PDE4D: variants seen among roughly 807,000 people sequenced by gnomAD.
PDE4D encodes 3',5'-cyclic-AMP phosphodiesterase 4D.
A neutral mutation model predicts 87.4 loss-of-function variants in PDE4D; 24 were observed. That is an observed-to-expected ratio of 0.27 (90% CI 0.20 to 0.39). The LOEUF is 0.39. Ranked by LOEUF, PDE4D falls within the 10% of genes least tolerant of loss-of-function variation. The pLI is 1.00. For missense variants in PDE4D, 714 were observed against 1,041.0 expected (o/e 0.69, Z 4.32); for synonymous variants, 384 against 383.2 (o/e 1.00, Z -0.02).
chr5:59,671,102 C>T (rs909702399), intron 1 of PDE4D, among the ~76,000 whole-genome samples: 2 of 152,184 alleles, frequency 1.3e-5, no homozygotes, highest in Non-Finnish European at 2.9e-5. Flanking sequence ...AGCCTGGCAA[C>T]TGCAGCAGAG....
At chr5:60,292,278 G>A (rs1448971501) in intron 1 of PDE4D, among the ~76,000 whole-genome samples, 2 of 152,168 alleles carry the variant, frequency 1.3e-5, no homozygotes, top group African/African-American at 4.8e-5. Context: ...TGAGGATTAT[G>A]AGAGAATCCA....
chr5:59,272,677 G>A (rs1764047525), intron 1 of PDE4D, among the ~76,000 whole-genome samples: 1 of 152,054 alleles, frequency 6.6e-6, no homozygotes, highest in Admixed American at 6.6e-5. Context: ...GTTACAAAGA[G>A]ACAAATAGAT....
chr5:59,197,619 A>T (rs115176735), intron 2 of PDE4D, among the ~76,000 whole-genome samples: 1,865 of 152,344 alleles, frequency 0.012, 31 homozygotes, highest in African/African-American at 0.043. Flanking sequence ...AGAATAAGGC[A>T]AGTAAAACCT....
chr5:59,445,034 A>C (rs1175459178), intron 1 of PDE4D, among the ~76,000 whole-genome samples: 1 of 152,154 alleles, frequency 6.6e-6, no homozygotes, highest in African/African-American at 2.4e-5. Flanking sequence ...TCAAACTCTT[A>C]ACCAAAACAT....
At chr5:59,156,513 C>A (rs930474759) in intron 5 of PDE4D, among the ~76,000 whole-genome samples, 3 of 151,460 alleles carry the variant, frequency 2.0e-5, no homozygotes. Flanking sequence ...TTGCTGCTGG[C>A]CACTTAGTTG....
At chr5:59,657,371 C>T (rs183335983) in intron 1 of PDE4D, among the ~76,000 whole-genome samples, 263 of 152,176 alleles carry the variant, frequency 1.7e-3, no homozygotes, top group Non-Finnish European at 3.1e-3. Flanking sequence ...TTTTTTCCCC[C>T]ATCTTGCCAA....
intron 1 of PDE4D, among the ~76,000 whole-genome samples, chr5:59,652,270 C>CATTA (rs1244844743): frequency 1.3e-5 from 2 of 152,192 alleles, no homozygotes; most frequent in Non-Finnish European, 2.9e-5. Flanking sequence ...GAAAGTACAC[C>CATTA]ATTAGTCTCT....
intron 3 of PDE4D, among the ~76,000 whole-genome samples, chr5:59,918,740 G>A (rs10061031): frequency 0.079 from 11,995 of 152,136 alleles, 1,000 homozygotes; most frequent in African/African-American, 0.21. Context: ...AGTTGCGACC[G>A]TCAGTCTTGC....
At chr5:59,579,089 T>C (rs977131034) in intron 1 of PDE4D, among the ~76,000 whole-genome samples, 1 of 152,190 alleles carries the variant, frequency 6.6e-6, no homozygotes, top group Non-Finnish European at 1.5e-5. Flanking sequence ...TATCAGTAAC[T>C]ACTAATTCCC....
chr5:59,564,629 G>C (rs1020959311), intron 1 of PDE4D, among the ~76,000 whole-genome samples: 2 of 152,156 alleles, frequency 1.3e-5, no homozygotes, highest in African/African-American at 4.8e-5. Context: ...GAACTGACCA[G>C]AAGAGGAGAA....
chr5:59,457,810 C>T (rs911043909), intron 1 of PDE4D, among the ~76,000 whole-genome samples: 4 of 152,002 alleles, frequency 2.6e-5, no homozygotes, highest in Admixed American at 6.6e-5. Context: ...GCAGGAAAAT[C>T]GCTTGAACCC....
intron 3 of PDE4D, among the ~76,000 whole-genome samples, chr5:59,969,000 C>A (rs937517717): frequency 3.7e-5 from 5 of 135,446 alleles, no homozygotes; most frequent in African/African-American, 7.7e-5. Flanking sequence ...CACCCCCCCC[C>A]CGAAAAAAAG....
At position 58,969,942 on chromosome 5, in the gene PDE4D, G is replaced by A. The variant is rs1357103869; in HGVS notation, c.*4722C>T. 2 of 152,078 alleles carry A rather than the reference G, an allele frequency of 1.3e-5. No homozygotes were observed. The highest frequency in any genetic ancestry group is 1.3e-4 in the Admixed American group (2 of 15,258). 9.4% of individuals were successfully genotyped at this position (152,078 alleles called of 1,614,324 possible). On this transcript the variant is annotated 3_prime_UTR_variant, in exon 15 of 15. Coordinates refer to ENST00000340635, the MANE Select transcript of PDE4D (RefSeq NM_001104631.2). ...ACTCAAGTTGGCTTTATTTGGTTAT[G>A]AATATCAGTACTAACTTATGATGTC...
intron 5 of PDE4D, among the ~76,000 whole-genome samples, chr5:59,054,169 C>T (rs941593436): frequency 5.3e-5 from 8 of 152,184 alleles, no homozygotes; most frequent in East Asian, 3.9e-4. Context: ...TCAAGGCCAC[C>T]GCTAACAAGA....
At chr5:59,252,087 C>T (rs79243765) in intron 1 of PDE4D, among the ~76,000 whole-genome samples, 8,780 of 151,952 alleles carry the variant, frequency 0.058, 310 homozygotes, top group Middle Eastern at 0.14. Context: ...GCTTAATACC[C>T]GGGTGATGAA....
chr5:59,482,116 G>A (rs955520002), intron 1 of PDE4D, among the ~76,000 whole-genome samples: 2 of 152,030 alleles, frequency 1.3e-5, no homozygotes, highest in Non-Finnish European at 2.9e-5. Flanking sequence ...TAAGTCTCTA[G>A]GCTAGCTACA....
At chr5:60,464,409 C>T (rs2150178342) in intron 1 of PDE4D, among the ~76,000 whole-genome samples, 1 of 152,224 alleles carries the variant, frequency 6.6e-6, no homozygotes, top group South Asian at 2.1e-4. Flanking sequence ...AGTAGAGAAG[C>T]AGATTATGAG....
At chr5:59,368,910 G>A (rs1783514972) in intron 1 of PDE4D, among the ~76,000 whole-genome samples, 1 of 152,196 alleles carries the variant, frequency 6.6e-6, no homozygotes, top group Non-Finnish European at 1.5e-5. Flanking sequence ...GTGTGGCTTA[G>A]CACAAATCAT....
chr5:59,685,733 T>C (rs557975547), intron 1 of PDE4D, among the ~76,000 whole-genome samples: 5 of 152,262 alleles, frequency 3.3e-5, no homozygotes, highest in South Asian at 2.1e-4. Context: ...GATTTTTTTT[T>C]TCTGCCAAAG....
Sources: gnomAD v4.1 joint callset for allele counts (sites outside exome capture counted in the v4.1 genomes callset) on GRCh38, gnomAD v4.1.1 for gene constraint, MANE v1.5 for transcripts, NCBI Gene and HGNC (gene_info 2026-07-23, HGNC 2026-07-21) for gene names.